The following NHS variants were observed in gnomAD, a reference collection of about 807,000 sequenced individuals.
NHS encodes NHS actin remodeling regulator.
A neutral mutation model predicts 72.5 loss-of-function variants in NHS; 5 were observed. The ratio of observed to expected loss-of-function variants is 0.07; its 90% confidence interval spans 0.04 to 0.14. NHS has a LOEUF of 0.14. Among genes scored for constraint, NHS ranks in the 10% least tolerant of loss-of-function variants. NHS has a pLI of 1.00. For synonymous variants in NHS, 464 were observed against 547.7 expected, an observed-to-expected ratio of 0.85 and a Z score of 2.13; for missense variants, 1,072 against 1,355.7, an observed-to-expected ratio of 0.79 and a Z score of 3.29.
Position 17,503,911 on chromosome X carries a change from C to G in NHS, c.565+127589C>G, listed in dbSNP as rs188690404. Among the ~76,000 whole-genome samples, 957 of 111,483 alleles carry G rather than the reference C, an allele frequency of 8.6e-3. 16 individuals carry two copies. The highest frequency in any genetic ancestry group is 0.029 in the African/African-American group (903 of 30,626). On this transcript the variant is annotated intron_variant, in intron 1 of 8. Transcript: ENST00000676302. ...GAGAAACAACCCTTGAATGAATTGACTTCCCAAAGCACATTCCAAGACCCA... is the reference window on the plus strand; with the variant it reads ...GAGAAACAACCCTTGAATGAATTGAGTTCCCAAAGCACATTCCAAGACCCA...
At chrX:17,613,463 G>A (rs1164534417) in intron 1 of NHS, among the ~76,000 whole-genome samples, 1 of 111,622 alleles carries the variant, frequency 9.0e-6, no homozygotes, top group Non-Finnish European at 1.9e-5. Context: ...ATTTCCTTGA[G>A]ACCTTCTACT....
At chrX:17,728,599 T>C in intron 7 of NHS, 50 bp from the exon 8 acceptor site, 1 of 1,197,702 alleles carries the variant, frequency 8.3e-7, no homozygotes, top group Non-Finnish European at 1.1e-6. Flanking sequence ...TGAAGTACAG[T>C]AGCGTGCTGG....
In NHS at chrX:17,495,791, C is replaced by T. The variant is rs927045015; in HGVS notation, c.565+119469C>T. Among the ~76,000 whole-genome samples, 4 of 112,079 alleles carry T rather than the reference C, an allele frequency of 3.6e-5. No individual in the cohort carries two copies. The Admixed American group carries it at 3.8e-4, about 11-fold the overall frequency. On this transcript the variant is annotated intron_variant, in intron 1 of 8. Transcript: ENST00000676302. The stretch of plus-strand genomic sequence containing the variant: ...AAATGAAACTACTGCAGATATTTCA[C>T]ACAGAGGGAATTTAATATAAGGAAT...
intron 3 of NHS, among the ~76,000 whole-genome samples, chrX:17,712,290 T>TATATATATATATATATATAC (rs1396937988): frequency 1.9e-5 from 1 of 53,021 alleles, no homozygotes; most frequent in Non-Finnish European, 3.4e-5. Flanking sequence ...TATATATATA[T>TATATATATATATATATATAC]ACACACACAC....
chrX:17,386,244 C>A (rs2064407584), intron 1 of NHS, among the ~76,000 whole-genome samples: 1 of 111,903 alleles, frequency 8.9e-6, no homozygotes, highest in African/African-American at 3.3e-5. Context: ...CTTTCTTCAT[C>A]CCAGGTAAAA....
At chrX:17,572,286 A>T (rs1444193601) in intron 1 of NHS, among the ~76,000 whole-genome samples, 1 of 109,695 alleles carries the variant, frequency 9.1e-6, no homozygotes, top group Non-Finnish European at 1.9e-5. Context: ...TCCCATTATT[A>T]TTGTGTGGGA....
chrX:17,409,803 A>G (rs1007851123), intron 1 of NHS, among the ~76,000 whole-genome samples: 3 of 112,212 alleles, frequency 2.7e-5, no homozygotes, highest in Admixed American at 9.4e-5. Context: ...TAGGTGAAAC[A>G]ATCTTACTAA....
chrX:17,710,208 T>C (rs1470312683), intron 3 of NHS, among the ~76,000 whole-genome samples: 1 of 112,440 alleles, frequency 8.9e-6, no homozygotes, highest in African/African-American at 3.2e-5. Flanking sequence ...GCCAGCACAA[T>C]AGCTAATGAA....
intron 1 of NHS, among the ~76,000 whole-genome samples, chrX:17,517,914 T>G (rs1033967912): frequency 1.8e-5 from 2 of 112,018 alleles, no homozygotes; most frequent in African/African-American, 6.5e-5. Context: ...CTCTGGTGTG[T>G]CTCATCCATA....
At chrX:17,677,555 A>G (rs1203333114) in intron 1 of NHS, among the ~76,000 whole-genome samples, 1 of 111,142 alleles carries the variant, frequency 9.0e-6, no homozygotes, top group African/African-American at 3.3e-5. Context: ...CTGGCCAAGG[A>G]AAGGACAGCC....
chrX:17,549,175 A>C (rs1011413438), intron 1 of NHS, among the ~76,000 whole-genome samples: 10 of 82,303 alleles, frequency 1.2e-4, no homozygotes, highest in Non-Finnish European at 2.1e-4. Context: ...GCTAGGCTGC[A>C]CATTAGCATC....
At position 17,725,572 on chromosome X, in the gene NHS, A is replaced by G. The variant is rs149877928; in HGVS notation, c.1466A>G (p.Lys489Arg). The G allele has an allele frequency of 2.3e-5, 28 of 1,209,720 alleles. No homozygotes were observed. The highest frequency in any genetic ancestry group is 2.9e-5 in the Non-Finnish European group (26 of 895,174). Reference protein sequence around the residue: ...SAGNISALADKGDTMFTPAVS... With the variant: ...SAGNISALADRGDTMFTPAVS... ...GGCAACATTTCTGCCCTAGCAGACA[A>G]AGGTGACACCATGTTTACTCCTGCA... Residue 489 changes from lysine (K) to arginine (R), a missense_variant, in exon 7 of 9, where the codon AAA (lysine) becomes AGA (arginine). Lys to Arg is a conservative substitution (Grantham distance 26). Coordinates refer to ENST00000676302, the MANE Select transcript of NHS (RefSeq NM_001291867.2).
At position 17,727,732 on chromosome X, in the gene NHS, A is replaced by G; in HGVS notation, c.3626A>G (p.Glu1209Gly). 8.3e-7 allele frequency: 1 copy of G among 1,210,856 alleles called. No homozygotes were observed. Among genetic ancestry groups the G allele is most frequent in the Non-Finnish European group, 1.1e-6 (1 of 894,664 alleles). Residue 1209 changes from glutamate (E) to glycine (G), a missense_variant, in exon 7 of 9, where the codon GAG becomes GGG. Transcript: ENST00000676302. ...TCCTTTTTAGACTCTTCTGCAGTTG[A>G]GATGGGACCAGATAAACTACATTTA... Reference protein sequence around the residue: ...ILSFLDSSAVEMGPDKLHLEK... With the variant: ...ILSFLDSSAVGMGPDKLHLEK...
At position 17,504,360 on chromosome X, in the gene NHS, T is replaced by C. The variant is rs143955014; in HGVS notation, c.565+128038T>C. 8.6e-3 allele frequency among the ~76,000 whole-genome samples: 966 copies of C among 112,046 alleles called. 16 individuals are homozygous for C. The highest frequency in any genetic ancestry group is 0.03 in the African/African-American group (912 of 30,824). On this transcript the variant is annotated intron_variant, in intron 1 of 8. Coordinates refer to ENST00000676302, the MANE Select transcript of NHS (RefSeq NM_001291867.2). ...GATACATATCTACCACCTCTTGAGATTCTCAGCTAACAAGATATGTATACT... is the reference window on the plus strand; with the variant it reads ...GATACATATCTACCACCTCTTGAGACTCTCAGCTAACAAGATATGTATACT...
intron 1 of NHS, among the ~76,000 whole-genome samples, chrX:17,675,964 T>C (rs753924674): frequency 1.8e-5 from 2 of 111,640 alleles, no homozygotes; most frequent in African/African-American, 6.5e-5. Flanking sequence ...TGTAAGTATT[T>C]TAAAATTTTC....
At chrX:17,657,292 CATACTGTGG>C (rs1452818305) in intron 1 of NHS, among the ~76,000 whole-genome samples, 1 of 113,254 alleles carries the variant, frequency 8.8e-6, no homozygotes, top group Non-Finnish European at 1.9e-5. Flanking sequence ...AGTGTTTTGC[CATACTGTGG>C]TATGCTCTGG....
rs146811627 is a variant in NHS at position 17,621,405 on chromosome X, A to T, written c.566-66337A>T. 6.3e-3 allele frequency among the ~76,000 whole-genome samples: 711 copies of T among 112,409 alleles called. 7 individuals carry two copies. The highest frequency in any genetic ancestry group is 0.021 in the African/African-American group (662 of 30,936). ...ACAGGGACCATAGAGGAGACATTTAATATGTGGCTAGGCCTAGAGAAAAGA... is the reference window on the plus strand; with the variant it reads ...ACAGGGACCATAGAGGAGACATTTATTATGTGGCTAGGCCTAGAGAAAAGA... On this transcript the variant is annotated intron_variant, in intron 1 of 8. Transcript: ENST00000676302.
intron 3 of NHS, among the ~76,000 whole-genome samples, chrX:17,704,364 G>A (rs1172501859): frequency 1.8e-5 from 2 of 110,636 alleles, no homozygotes; most frequent in South Asian, 3.9e-4. Context: ...GCAGTGGTGC[G>A]ATCTCAACTT....
chrX:17,408,954 GGAGAGAGAGAGA>G (rs369974924), intron 1 of NHS, among the ~76,000 whole-genome samples: 1 of 103,402 alleles, frequency 9.7e-6, no homozygotes, highest in African/African-American at 3.7e-5. Context: ...GACGGAGAGA[GGAGAGAGAGAGA>G]GAGAGAGAGA....
Sources: gnomAD v4.1 joint callset for allele counts (sites outside exome capture counted in the v4.1 genomes callset) on GRCh38, gnomAD v4.1.1 for gene constraint, MANE v1.5 for transcripts, NCBI Gene and HGNC (gene_info 2026-07-23, HGNC 2026-07-21) for gene names.